The following B3GALT1 variants were observed in gnomAD, a reference collection of about 807,000 sequenced individuals.
B3GALT1 encodes UDP-Gal:betaGlcNAc beta 1,3-galactosyltransferase, polypeptide 1.
A neutral mutation model predicts 23.2 loss-of-function variants in B3GALT1; 10 were observed. The observed-to-expected ratio is 0.43, with a 90% CI of 0.27 to 0.73. B3GALT1 has a LOEUF of 0.73. Among genes scored for constraint, B3GALT1 ranks in the 30% least tolerant of loss-of-function variants. B3GALT1 has a pLI of 0.21. For missense variants in B3GALT1, 299 were observed against 405.4 expected, an observed-to-expected ratio of 0.74 and a Z score of 2.25; for synonymous variants, 156 against 141.5, an observed-to-expected ratio of 1.10 and a Z score of -0.73.
chr2:167,400,162 A>ATGTGTGTG (rs1280272336), intron 1 of B3GALT1, among the ~76,000 whole-genome samples: 4 of 26,308 alleles, frequency 1.5e-4, no homozygotes, highest in Non-Finnish European at 5.3e-4. Flanking sequence ...TTTTACATCT[A>ATGTGTGTG]TGTCTGTGTG....
intron 2 of B3GALT1, among the ~76,000 whole-genome samples, chr2:167,573,552 T>C (rs1033608149): frequency 5.3e-5 from 8 of 151,752 alleles, no homozygotes; most frequent in Non-Finnish European, 7.4e-5. Context: ...TTGGATTTTA[T>C]AGGATACTGA....
intron 1 of B3GALT1, among the ~76,000 whole-genome samples, chr2:167,451,462 C>G (rs945793352): frequency 6.6e-6 from 1 of 152,158 alleles, no homozygotes; most frequent in Non-Finnish European, 1.5e-5. Context: ...ATTGTTATCT[C>G]TCTTCTGGAT....
intron 2 of B3GALT1, among the ~76,000 whole-genome samples, chr2:167,594,167 G>A (rs748500385): frequency 3.9e-5 from 6 of 152,174 alleles, no homozygotes; most frequent in Non-Finnish European, 8.8e-5. Context: ...CTCGAGTGGA[G>A]GTAGTTTTGC....
At chr2:167,294,212 T>C (rs1309807639) in intron 1 of B3GALT1, among the ~76,000 whole-genome samples, 1 of 152,102 alleles carries the variant, frequency 6.6e-6, no homozygotes, top group Non-Finnish European at 1.5e-5. Flanking sequence ...ACCTCCCAGG[T>C]TGAGACCCGG....
chr2:167,521,751 A>T (rs941127292), intron 2 of B3GALT1, among the ~76,000 whole-genome samples: 3 of 151,956 alleles, frequency 2.0e-5, no homozygotes, highest in Non-Finnish European at 4.4e-5. Context: ...CCATTATTTT[A>T]AAACTAGGAG....
intron 3 of B3GALT1, among the ~76,000 whole-genome samples, chr2:167,701,047 C>T (rs977779190): frequency 6.6e-5 from 10 of 152,132 alleles, no homozygotes; most frequent in South Asian, 2.1e-4. Context: ...TTAATATTCA[C>T]GTCAACCTTA....
intron 4 of B3GALT1, among the ~76,000 whole-genome samples, chr2:167,857,308 A>G (rs1291153364): frequency 6.6e-6 from 1 of 151,988 alleles, no homozygotes; most frequent in Non-Finnish European, 1.5e-5. Context: ...GCCTTGGGAG[A>G]GATTAAGATT....
At chr2:167,324,676 G>C (rs1238348102) in intron 1 of B3GALT1, among the ~76,000 whole-genome samples, 1 of 152,020 alleles carries the variant, frequency 6.6e-6, no homozygotes, top group Non-Finnish European at 1.5e-5. Flanking sequence ...AGAGTACTTA[G>C]GGTCTCTGTC....
intron 1 of B3GALT1, among the ~76,000 whole-genome samples, chr2:167,392,551 G>A (rs182924097): frequency 1.3e-5 from 2 of 152,016 alleles, no homozygotes; most frequent in East Asian, 1.9e-4. Context: ...AATTATTATC[G>A]ATTTCAATTT....
chr2:167,833,038 G>A (rs1689383486), intron 4 of B3GALT1, among the ~76,000 whole-genome samples: 3 of 152,206 alleles, frequency 2.0e-5, no homozygotes, highest in Admixed American at 2.0e-4. Context: ...TTGATGGAGA[G>A]CAGTGTGATT....
intron 2 of B3GALT1, among the ~76,000 whole-genome samples, chr2:167,526,804 G>A (rs902878971): frequency 1.3e-5 from 2 of 152,034 alleles, no homozygotes; most frequent in Non-Finnish European, 2.9e-5. Context: ...CATGGCCTTT[G>A]TCAGTATTTT....
chr2:167,629,131 A>T (rs1210948502), intron 2 of B3GALT1, among the ~76,000 whole-genome samples: 1 of 151,614 alleles, frequency 6.6e-6, no homozygotes, highest in South Asian at 2.1e-4. Flanking sequence ...AGACAGGCAA[A>T]ATGGCTTTTC....
chr2:167,626,603 C>T (rs1384284705), intron 2 of B3GALT1, among the ~76,000 whole-genome samples: 1 of 151,430 alleles, frequency 6.6e-6, no homozygotes, highest in African/African-American at 2.4e-5. Context: ...GAAAAAAAAC[C>T]AAAACAGGGA....
intron 4 of B3GALT1, among the ~76,000 whole-genome samples, chr2:167,867,141 T>A (rs568476134): frequency 6.6e-5 from 10 of 152,278 alleles, no homozygotes; most frequent in South Asian, 2.1e-4. Flanking sequence ...TTAGCCAGGA[T>A]GGTCTCGATC....
At chr2:167,623,848 C>T (rs1685299808) in intron 2 of B3GALT1, among the ~76,000 whole-genome samples, 1 of 151,950 alleles carries the variant, frequency 6.6e-6, no homozygotes, top group Non-Finnish European at 1.5e-5. Context: ...GATGTTTTCA[C>T]TGGACATAAG....
intron 4 of B3GALT1, among the ~76,000 whole-genome samples, chr2:167,819,359 G>T (rs1689060583): frequency 6.6e-6 from 1 of 152,138 alleles, no homozygotes; most frequent in Non-Finnish European, 1.5e-5. Context: ...CATAGAAAAT[G>T]ATGGTACAGT....
At chr2:167,511,928 C>T (rs895949756) in intron 2 of B3GALT1, among the ~76,000 whole-genome samples, 12 of 152,096 alleles carry the variant, frequency 7.9e-5, no homozygotes, top group African/African-American at 2.4e-4. Context: ...GTGCCAGGCA[C>T]GGGGAATACA....
At chr2:167,395,588 A>G (rs1461561878) in intron 1 of B3GALT1, among the ~76,000 whole-genome samples, 9 of 152,150 alleles carry the variant, frequency 5.9e-5, no homozygotes, top group Admixed American at 5.9e-4. Flanking sequence ...TGACTTCCAG[A>G]ATTCTAAGAT....
At chr2:167,588,999 G>GGC (rs919432447) in intron 2 of B3GALT1, among the ~76,000 whole-genome samples, 12 of 151,552 alleles carry the variant, frequency 7.9e-5, no homozygotes, top group Admixed American at 5.9e-4. Context: ...CTGGAGTGCA[G>GGC]TGGCACAATC....
Sources: gnomAD v4.1 joint callset for allele counts (sites outside exome capture counted in the v4.1 genomes callset) on GRCh38, gnomAD v4.1.1 for gene constraint, MANE v1.5 for transcripts, NCBI Gene and HGNC (gene_info 2026-07-23, HGNC 2026-07-21) for gene names.